PIK3R4: variants seen among roughly 807,000 people sequenced by gnomAD.
PIK3R4 encodes phosphoinositide-3-kinase regulatory subunit 4, also known as phosphoinositide 3-kinase regulatory subunit 4.
PIK3R4 carries 46 observed loss-of-function variants against 136.5 expected under a neutral mutation model. The ratio of observed to expected loss-of-function variants is 0.34; its 90% CI spans 0.27 to 0.43. The LOEUF (loss-of-function observed/expected upper bound fraction) is 0.43, where lower values mean the gene tolerates loss of function less well. Among genes scored for constraint, PIK3R4 ranks in the 20% least tolerant of loss-of-function variants. The pLI, the probability that PIK3R4 is intolerant of heterozygous loss-of-function variation, is 1.00. For synonymous variants in PIK3R4, 557 were observed against 566.7 expected (o/e 0.98, Z 0.24); for missense variants, 1,331 against 1,649.5 (o/e 0.81, Z 3.35).
At chr3:130,718,329 A>G (rs2066678213) in intron 8 of PIK3R4, 60 bp downstream of exon 8, 1 of 1,463,196 alleles carries the variant, frequency 6.8e-7, no homozygotes, top group Admixed American at 1.8e-5. Context: ...CTCTCTAAAC[A>G]TTTTTTTTAA....
intron 3 of PIK3R4, 38 bp from the exon 4 acceptor site, chr3:130,734,168 A>G (rs1284171539): frequency 6.7e-7 from 1 of 1,499,464 alleles, no homozygotes; most frequent in African/African-American, 1.4e-5. Context: ...AATAGATTTG[A>G]GAATAGAAAA....
chr3:130,696,619 T>C (rs1354829257), intron 13 of PIK3R4, among the ~76,000 whole-genome samples: 1 of 152,218 alleles, frequency 6.6e-6, no homozygotes, highest in Admixed American at 6.5e-5. Flanking sequence ...ATACTTCATA[T>C]GCTTTCAATC....
Position 130,735,916 on chromosome 3 carries a change from G to A in PIK3R4, c.820C>T (p.Pro274Ser). Reference sequence around the variant, plus strand: ...TCAATTTTATTTAGCACTTGTTCAGGGAAAAAATGTCCATTTCTATAAGCC... The same window carrying A: ...TCAATTTTATTTAGCACTTGTTCAGAGAAAAAATGTCCATTTCTATAAGCC... Reference protein sequence around the residue: ...LLAYRNGHFFPEQVLNKIEDH... With the variant: ...LLAYRNGHFFSEQVLNKIEDH... The change falls in exon 3 of 20, where the codon CCT becomes TCT. Residue 274 changes from proline (P) to serine (S), a missense_variant. Coordinates refer to ENST00000356763, the MANE Select transcript of PIK3R4 (RefSeq NM_014602.3). The A allele has an allele frequency of 6.2e-7, 1 of 1,611,718 alleles. No individual in the cohort carries two copies. The highest frequency in any genetic ancestry group is 8.5e-7 in the Non-Finnish European group (1 of 1,179,012).
rs957163752 is a variant in PIK3R4 at position 130,712,676 on chromosome 3, GA to G, written c.2331+3719del. ...ACAAACTCCATCTCAATTAAAAAAAGAAAAAAAAAAAGAAACAAGGACTCAA... is the reference window on the plus strand; with the variant it reads ...ACAAACTCCATCTCAATTAAAAAAAGAAAAAAAAAAGAAACAAGGACTCAA... On this transcript the variant is annotated intron_variant, in intron 9 of 19. Coordinates refer to ENST00000356763, the MANE Select transcript of PIK3R4 (RefSeq NM_014602.3). Among the ~76,000 whole-genome samples the G allele has an allele frequency of 1.0e-2, 1,413 of 141,646 alleles. 25 individuals carry two copies. Among genetic ancestry groups the G allele is most frequent in the African/African-American group, 0.034 (1,309 of 38,888 alleles). 92.9% of individuals were successfully genotyped at this position (141,646 alleles called of 152,430 possible).
intron 11 of PIK3R4, 29 bp from the exon 12 acceptor site, chr3:130,705,800 T>G (rs1397396689): frequency 1.5e-6 from 2 of 1,369,262 alleles, no homozygotes; most frequent in African/African-American, 2.9e-5. Context: ...TCTAACTATT[T>G]ACGTCGTAAG....
intron 13 of PIK3R4, among the ~76,000 whole-genome samples, chr3:130,698,943 G>A (rs896312773): frequency 9.9e-5 from 15 of 152,106 alleles, no homozygotes; most frequent in African/African-American, 3.4e-4. Context: ...ATTAAGTGAG[G>A]GTTTTGTTTG....
At chr3:130,708,203 TTTTTA>T (rs775397328) in intron 10 of PIK3R4, 83 bp downstream of exon 10, 6 of 1,062,240 alleles carry the variant, frequency 5.6e-6, no homozygotes, top group Non-Finnish European at 8.3e-6. Flanking sequence ...GAAATGGGGC[TTTTTA>T]TTTTATTATT....
At chr3:130,685,881 G>A (rs1488291434) in intron 15 of PIK3R4, among the ~76,000 whole-genome samples, 1 of 152,098 alleles carries the variant, frequency 6.6e-6, no homozygotes, top group Non-Finnish European at 1.5e-5. Context: ...AAACTTGGAT[G>A]CTATTTTCCT....
chr3:130,716,576 G>A lies in PIK3R4; in HGVS notation c.2151C>T (p.Leu717=), dbSNP rs761515725. The A allele has an allele frequency of 1.9e-6, 3 of 1,612,126 alleles. No individual in the cohort carries two copies. The highest frequency in any genetic ancestry group is 2.2e-5 in the South Asian group (2 of 90,818). The change falls in exon 9 of 20, where the codon CTC becomes CTT. Residue 717 remains leucine, a synonymous_variant. Transcript: ENST00000356763. ...GACTTACTGGTTCCTTTAAAACACT[G>A]AGCAGAACAAGTTTTCTTTCAATCT... ...IIQIERKLVL[L]SVLKEPVSRS... is the part of the protein sequence containing the mutation.
intron 3 of PIK3R4, among the ~76,000 whole-genome samples, chr3:130,735,562 AG>A (rs2066781572): frequency 6.6e-6 from 1 of 152,226 alleles, no homozygotes; most frequent in Admixed American, 6.5e-5. Context: ...AGCTCTAGCC[AG>A]GACAACCTCT....
At chr3:130,683,588 TAGC>T (rs1272602851) in intron 16 of PIK3R4, among the ~76,000 whole-genome samples, 40 of 152,212 alleles carry the variant, frequency 2.6e-4, no homozygotes, top group African/African-American at 9.1e-4. Context: ...GTGACTTTGA[TAGC>T]AGCAGTGTAT....
At chr3:130,738,442 C>T (rs1047168573) in intron 2 of PIK3R4, among the ~76,000 whole-genome samples, 2 of 152,128 alleles carry the variant, frequency 1.3e-5, no homozygotes, top group Non-Finnish European at 2.9e-5. Context: ...CCAACTGGAT[C>T]TAACAGATAT....
intron 3 of PIK3R4, among the ~76,000 whole-genome samples, chr3:130,734,754 T>C (rs2066776787): frequency 6.6e-6 from 1 of 152,186 alleles, no homozygotes; most frequent in Non-Finnish European, 1.5e-5. Flanking sequence ...TCTAGTATCA[T>C]AGGGAAATAA....
intron 16 of PIK3R4, 110 bp downstream of exon 16, chr3:130,684,140 G>C (rs892356593): frequency 1.3e-5 from 12 of 919,374 alleles, no homozygotes; most frequent in Non-Finnish European, 2.0e-5. Context: ...AGACAATCAA[G>C]CATTCAGTTC....
chr3:130,706,853 G>T, intron 11 of PIK3R4, 95 bp downstream of exon 11: 2 of 871,314 alleles, frequency 2.3e-6, no homozygotes, highest in Non-Finnish European at 3.3e-6. Context: ...TCACCATATT[G>T]ATTTTTCCAC....
chr3:130,706,369 T>C (rs2107608226), intron 11 of PIK3R4, among the ~76,000 whole-genome samples: 1 of 152,272 alleles, frequency 6.6e-6, no homozygotes, highest in South Asian at 2.1e-4. Flanking sequence ...TATAATAAAG[T>C]GTTGAATATC....
chr3:130,741,076 G>C (rs945583850), intron 2 of PIK3R4, among the ~76,000 whole-genome samples: 4 of 152,186 alleles, frequency 2.6e-5, no homozygotes, highest in Non-Finnish European at 5.9e-5. Flanking sequence ...TGACTGAATT[G>C]TGTGTCAAGT....
intron 4 of PIK3R4, 67 bp from the exon 5 acceptor site, chr3:130,730,509 TCCTC>T (rs764528519): frequency 4.4e-5 from 51 of 1,148,230 alleles, no homozygotes; most frequent in Non-Finnish European, 5.8e-5. Flanking sequence ...TATTAACTTT[TCCTC>T]CCTGTCTTTA....
intron 2 of PIK3R4, among the ~76,000 whole-genome samples, chr3:130,739,451 A>C (rs551138804): frequency 6.6e-6 from 1 of 152,238 alleles, no homozygotes; most frequent in East Asian, 1.9e-4. Context: ...AGTTCACTGT[A>C]GCCTGGACCT....
Sources: gnomAD v4.1 joint callset for allele counts (sites outside exome capture counted in the v4.1 genomes callset) on GRCh38, gnomAD v4.1.1 for gene constraint, MANE v1.5 for transcripts, NCBI Gene and HGNC (gene_info 2026-07-23, HGNC 2026-07-21) for gene names.